The following TDRD7 variants were observed in gnomAD, a reference collection of about 807,000 sequenced individuals.
TDRD7 encodes tudor domain-containing protein 7.
A neutral mutation model predicts 109.8 loss-of-function variants in TDRD7; 47 were observed. That is an observed-to-expected ratio of 0.43 (90% confidence interval 0.34 to 0.55). The LOEUF (loss-of-function observed/expected upper bound fraction) is 0.55, where lower values mean the gene tolerates loss of function less well. Among genes scored for constraint, TDRD7 ranks in the 20% least tolerant of loss-of-function variants. The pLI is 0.03. For missense variants in TDRD7, 1,164 were observed against 1,319.2 expected (o/e 0.88, Z 1.82); for synonymous variants, 424 against 457.3 (o/e 0.93, Z 0.93).
intron 13 of TDRD7, chr9:97,480,457 G>T (rs1208249200): frequency 3.7e-6 from 1 of 271,614 alleles, no homozygotes; most frequent in Non-Finnish European, 7.2e-6. Context: ...TGAGCTAGAG[G>T]GTAGACCTTG....
chr9:97,421,041 A>G (rs936105246), intron 1 of TDRD7, among the ~76,000 whole-genome samples: 9 of 151,876 alleles, frequency 5.9e-5, no homozygotes, highest in Admixed American at 1.3e-4. Context: ...AGGCTGAGAC[A>G]GGAGAATTGC....
intron 4 of TDRD7, among the ~76,000 whole-genome samples, chr9:97,436,482 A>G (rs1012323612): frequency 3.9e-4 from 60 of 152,144 alleles, no homozygotes; most frequent in Admixed American, 3.9e-3. Flanking sequence ...TATAAATTAA[A>G]TAAGTTGGCC....
In TDRD7 at chr9:97,495,948, TA is replaced by T. The variant is rs941417244; in HGVS notation, c.*73del. Reference sequence around the variant, plus strand: ...TAGCAATAACAAAATGTAGTAGGCTTAAAAAAAATCTTAACTCTGCTACATG... The same window carrying T: ...TAGCAATAACAAAATGTAGTAGGCTTAAAAAAATCTTAACTCTGCTACATG... On this transcript the variant is annotated 3_prime_UTR_variant, in exon 17 of 17. Coordinates refer to ENST00000355295, the MANE Select transcript of TDRD7 (RefSeq NM_014290.3). 2.2e-5 allele frequency: 30 copies of T among 1,365,616 alleles called. No individual in the cohort carries two copies. The highest frequency in any genetic ancestry group is 1.6e-4 in the African/African-American group (11 of 69,908). The allele number at this position is 1,365,616 out of a possible 1,614,324, so 84.6% of individuals were successfully genotyped here.
intron 10 of TDRD7, 44 bp downstream of exon 10, chr9:97,472,539 G>A: frequency 6.8e-7 from 1 of 1,481,064 alleles, no homozygotes; most frequent in Non-Finnish European, 9.4e-7. Flanking sequence ...CATTTTGTAT[G>A]AGAGAAAAAT....
At chr9:97,458,418 A>G (rs565149966) in intron 6 of TDRD7, among the ~76,000 whole-genome samples, 174 of 152,310 alleles carry the variant, frequency 1.1e-3, no homozygotes, top group Non-Finnish European at 1.8e-3. Context: ...GAAGATTGGC[A>G]TTTTAAGATT....
At chr9:97,472,621 G>A (rs1828941493) in intron 10 of TDRD7, 126 bp downstream of exon 10, 2 of 842,572 alleles carry the variant, frequency 2.4e-6, no homozygotes, top group African/African-American at 3.4e-5. Context: ...GGGAAAAAAG[G>A]AGGGAGTGGG....
intron 16 of TDRD7, among the ~76,000 whole-genome samples, chr9:97,491,794 C>T (rs1489456961): frequency 2.0e-5 from 3 of 152,198 alleles, no homozygotes; most frequent in South Asian, 2.1e-4. Flanking sequence ...TTAAGAAAAA[C>T]AGAAAGCTCT....
chr9:97,495,156 A>G (rs1158202913), intron 16 of TDRD7, among the ~76,000 whole-genome samples: 1 of 152,176 alleles, frequency 6.6e-6, no homozygotes, highest in Non-Finnish European at 1.5e-5. Context: ...GATAGAGGAA[A>G]AGCTGGGAAT....
At position 97,485,539 on chromosome 9, in the gene TDRD7, A is replaced by G. The variant is rs1035584780; in HGVS notation, c.2916-1633A>G. Among the ~76,000 whole-genome samples the G allele has an allele frequency of 2.0e-5, 3 of 152,194 alleles. No individual in the cohort carries two copies. In the South Asian group the frequency reaches 6.2e-4, roughly 32 times the overall value. On this transcript the variant is annotated intron_variant, in intron 15 of 16. Transcript: ENST00000355295. ...TAAGATGACGCTGTTGGTGGAAACC[A>G]AGTGTTTTTACCTCCTTTTGTGCTT... is the stretch of plus-strand genomic sequence containing the variant.
chr9:97,485,862 C>G (rs1483029420), intron 15 of TDRD7, among the ~76,000 whole-genome samples: 2 of 152,174 alleles, frequency 1.3e-5, no homozygotes, highest in Admixed American at 6.5e-5. Context: ...CATGTACATA[C>G]TATGTATCCT....
At chr9:97,443,837 A>C (rs890808670) in intron 6 of TDRD7, among the ~76,000 whole-genome samples, 3 of 152,226 alleles carry the variant, frequency 2.0e-5, no homozygotes, top group African/African-American at 7.2e-5. Flanking sequence ...CAGGATACAT[A>C]TATAACTCAT....
At chr9:97,490,192 C>T (rs1829278736) in intron 16 of TDRD7, among the ~76,000 whole-genome samples, 1 of 152,176 alleles carries the variant, frequency 6.6e-6, no homozygotes, top group South Asian at 2.1e-4. Flanking sequence ...TAATTTCTGA[C>T]CTATATTATT....
At chr9:97,473,823 A>G (rs545206867) in intron 11 of TDRD7, among the ~76,000 whole-genome samples, 197 bp downstream of exon 11, 1 of 152,338 alleles carries the variant, frequency 6.6e-6, no homozygotes, top group African/African-American at 2.4e-5. Flanking sequence ...AGTTTCTGCA[A>G]TGTAAAACGA....
intron 16 of TDRD7, among the ~76,000 whole-genome samples, chr9:97,490,909 CT>C (rs1174656625): frequency 3.4e-3 from 264 of 77,660 alleles, no homozygotes; most frequent in Middle Eastern, 0.021. Flanking sequence ...CTTTTCTTTT[CT>C]TTTTTTTTTT....
At chr9:97,461,200 A>G (rs1007009779) in intron 7 of TDRD7, among the ~76,000 whole-genome samples, 2 of 152,140 alleles carry the variant, frequency 1.3e-5, no homozygotes, top group African/African-American at 2.4e-5. Flanking sequence ...AGGCTTAATA[A>G]TGTATTAATA....
intron 9 of TDRD7, among the ~76,000 whole-genome samples, chr9:97,471,706 G>A (rs1587886236): frequency 6.6e-6 from 1 of 152,156 alleles, no homozygotes; most frequent in Non-Finnish European, 1.5e-5. Context: ...TATATGTTAT[G>A]TGGAACTATA....
Position 97,496,097 on chromosome 9 carries a change from T to G in TDRD7, c.*214T>G. On this transcript the variant is annotated 3_prime_UTR_variant, in exon 17 of 17. Transcript: ENST00000355295. The stretch of plus-strand genomic sequence containing the variant: ...TTGTACTTGAATTATTACTATAATA[T>G]TAGAATAAAAATGTTTATCAATATA... 1 of 507,918 alleles carries G rather than the reference T, an allele frequency of 2.0e-6. No homozygotes were observed. Among genetic ancestry groups the G allele is most frequent in the South Asian group, 2.2e-5 (1 of 44,932 alleles). 31.5% of individuals were successfully genotyped at this position (507,918 alleles called of 1,614,324 possible).
intron 6 of TDRD7, among the ~76,000 whole-genome samples, chr9:97,444,353 A>AAAGG (rs1587869813): frequency 6.6e-6 from 1 of 152,236 alleles, no homozygotes; most frequent in Non-Finnish European, 1.5e-5. Context: ...AATCATATTG[A>AAAGG]TGTCTACTGA....
chr9:97,456,735 C>T (rs571079126), intron 6 of TDRD7, among the ~76,000 whole-genome samples: 2 of 152,048 alleles, frequency 1.3e-5, no homozygotes, highest in African/African-American at 2.4e-5. Flanking sequence ...AGAAAACCTA[C>T]GCAACACCAT....
Sources: allele counts gnomAD v4.1 joint callset (sites outside exome capture counted in the v4.1 genomes callset), GRCh38; gene constraint gnomAD v4.1.1; transcripts MANE v1.5; gene names NCBI Gene and HGNC (gene_info 2026-07-23, HGNC 2026-07-21).